Variants in ARHGAP26 observed in about 807,000 individuals in gnomAD.
ARHGAP26 encodes the protein rho GTPase-activating protein 26.
A neutral mutation model predicts 104.8 loss-of-function variants in ARHGAP26; 38 were observed. That is an observed-to-expected ratio of 0.36 (90% confidence interval 0.28 to 0.48). The LOEUF (loss-of-function observed/expected upper bound fraction) is 0.48. Ranked by LOEUF, ARHGAP26 falls within the 20% of genes least tolerant of loss-of-function variation. ARHGAP26 has a pLI of 0.99. For synonymous variants in ARHGAP26, 341 were observed against 340.0 expected, an observed-to-expected ratio of 1.00 and a Z score of -0.03; for missense variants, 704 against 947.9, an observed-to-expected ratio of 0.74 and a Z score of 3.38.
At chr5:142,964,446 A>G (rs1030690095) in intron 11 of ARHGAP26, among the ~76,000 whole-genome samples, 2 of 152,190 alleles carry the variant, frequency 1.3e-5, no homozygotes, top group African/African-American at 4.8e-5. Flanking sequence ...AAACCCTAAA[A>G]ATAAGTTAAA....
In ARHGAP26 at chr5:142,883,105, T is replaced by C. The variant is rs547604085; in HGVS notation, c.385-2193T>C. Among the ~76,000 whole-genome samples the C allele has an allele frequency of 2.5e-3, 375 of 152,324 alleles. 6 individuals carry two copies. Among genetic ancestry groups the C allele is most frequent in the Admixed American group, 5.8e-3 (88 of 15,298 alleles). On this transcript the variant is annotated intron_variant, in intron 4 of 22. Transcript: ENST00000645722. Reference sequence around the variant, plus strand: ...GCTGTTTTCTCAGGACAGAAACGGCTTCCCTTTCTCCTTATTTTTTTCTCT... The same window carrying C: ...GCTGTTTTCTCAGGACAGAAACGGCCTCCCTTTCTCCTTATTTTTTTCTCT...
At chr5:143,117,797 A>G (rs1795668950) in intron 17 of ARHGAP26, among the ~76,000 whole-genome samples, 1 of 152,342 alleles carries the variant, frequency 6.6e-6, no homozygotes, top group South Asian at 2.1e-4. Context: ...GGAGGTTGGG[A>G]TAGTTGAGAT....
intron 5 of ARHGAP26, among the ~76,000 whole-genome samples, chr5:142,890,151 A>AAAAAAATATATAT (rs1252590997): frequency 3.1e-5 from 1 of 32,430 alleles, no homozygotes; most frequent in Non-Finnish European, 5.5e-5. Context: ...AAAAAAAAAA[A>AAAAAAATATATAT]ATATATATAT....
At chr5:143,030,971 G>A (rs1363750338) in intron 12 of ARHGAP26, among the ~76,000 whole-genome samples, 1 of 152,222 alleles carries the variant, frequency 6.6e-6, no homozygotes, top group Non-Finnish European at 1.5e-5. Flanking sequence ...AAGGTTGATG[G>A]TCCTGTATCT....
At chr5:143,071,907 A>AAAACAAAC (rs904393693) in intron 17 of ARHGAP26, among the ~76,000 whole-genome samples, 3 of 152,192 alleles carry the variant, frequency 2.0e-5, no homozygotes, top group Non-Finnish European at 4.4e-5. Flanking sequence ...TCCATCTCAA[A>AAAACAAAC]AAACAAACAA....
chr5:142,879,513 T>TA (rs1756635954), intron 4 of ARHGAP26, 68 bp downstream of exon 4: 28 of 1,374,072 alleles, frequency 2.0e-5, no homozygotes, highest in South Asian at 8.0e-5. Context: ...CACCTTTCTT[T>TA]AAAACAAAGT....
intron 1 of ARHGAP26, among the ~76,000 whole-genome samples, chr5:142,785,885 C>G (rs892467182): frequency 6.6e-6 from 1 of 152,218 alleles, no homozygotes. Flanking sequence ...TCACCTTTCC[C>G]CACACACCCC....
intron 22 of ARHGAP26, among the ~76,000 whole-genome samples, chr5:143,219,199 C>T (rs1049781706): frequency 6.6e-6 from 1 of 152,144 alleles, no homozygotes; most frequent in African/African-American, 2.4e-5. Flanking sequence ...GTATTATGAC[C>T]ATGCACAAAT....
chr5:142,914,728 G>T (rs895389497), intron 10 of ARHGAP26, among the ~76,000 whole-genome samples: 4 of 152,166 alleles, frequency 2.6e-5, no homozygotes, highest in African/African-American at 7.2e-5. Flanking sequence ...AACTGGGGTA[G>T]CAAAGGGGAA....
intron 1 of ARHGAP26, among the ~76,000 whole-genome samples, chr5:142,804,183 T>C (rs1762555398): frequency 6.6e-6 from 1 of 152,210 alleles, no homozygotes; most frequent in South Asian, 2.1e-4. Flanking sequence ...TATGTAACAA[T>C]TTTGACCTAC....
At chr5:142,992,371 C>T (rs985248386) in intron 11 of ARHGAP26, among the ~76,000 whole-genome samples, 11 of 152,016 alleles carry the variant, frequency 7.2e-5, no homozygotes, top group Admixed American at 1.3e-4. Context: ...ACAACTGATT[C>T]GAAAGGCTCC....
intron 11 of ARHGAP26, among the ~76,000 whole-genome samples, chr5:142,987,921 C>T (rs1379544695): frequency 6.6e-6 from 1 of 152,166 alleles, no homozygotes; most frequent in Non-Finnish European, 1.5e-5. Flanking sequence ...AGGATTTTAG[C>T]ATTGATATTC....
intron 1 of ARHGAP26, among the ~76,000 whole-genome samples, chr5:142,793,855 G>A (rs1017725052): frequency 1.3e-5 from 2 of 152,114 alleles, no homozygotes; most frequent in Non-Finnish European, 2.9e-5. Context: ...CTCAGTGTTG[G>A]GATTACAGGC....
At chr5:142,985,796 T>G (rs1398630514) in intron 11 of ARHGAP26, among the ~76,000 whole-genome samples, 3 of 151,842 alleles carry the variant, frequency 2.0e-5, no homozygotes, top group Admixed American at 6.6e-5. Context: ...TGAGAATGAT[T>G]GTTTCCAGCT....
intron 20 of ARHGAP26, chr5:143,170,305 T>TG (rs1802588846): frequency 6.6e-6 from 1 of 152,198 alleles, no homozygotes; most frequent in East Asian, 1.9e-4. Flanking sequence ...CACAGGCCAC[T>TG]GGGTGGTGGC....
chr5:142,784,770 G>A (rs1025502866), intron 1 of ARHGAP26, among the ~76,000 whole-genome samples: 16 of 151,972 alleles, frequency 1.1e-4, no homozygotes, highest in African/African-American at 3.9e-4. Context: ...ACAATTCAAT[G>A]GCTTTTAGTA....
intron 1 of ARHGAP26, among the ~76,000 whole-genome samples, chr5:142,809,591 G>T (rs1763678482): frequency 1.3e-5 from 2 of 152,256 alleles, no homozygotes. Flanking sequence ...AGGGATGGCT[G>T]TGAAAAGAGA....
chr5:142,807,365 C>T (rs2151994921), intron 1 of ARHGAP26, among the ~76,000 whole-genome samples: 1 of 152,304 alleles, frequency 6.6e-6, no homozygotes, highest in East Asian at 1.9e-4. Flanking sequence ...AGGGTTCAAA[C>T]CTAACCTGTT....
chr5:143,056,255 G>A (rs192975858), intron 16 of ARHGAP26, among the ~76,000 whole-genome samples, 169 bp downstream of exon 16: 2 of 151,344 alleles, frequency 1.3e-5, no homozygotes, highest in African/African-American at 2.4e-5. Context: ...AAACAAATAG[G>A]GATTGCTAAG....
Sources: gnomAD v4.1 joint callset for allele counts (sites outside exome capture counted in the v4.1 genomes callset) on GRCh38, gnomAD v4.1.1 for gene constraint, MANE v1.5 for transcripts, NCBI Gene and HGNC (gene_info 2026-07-23, HGNC 2026-07-21) for gene names.